The following RBBP4 variants were observed in gnomAD, a reference collection of about 807,000 sequenced individuals.
The protein encoded by RBBP4 is RB binding protein 4, chromatin remodeling factor, also known as histone-binding protein RBBP4.
RBBP4 carries 3 observed loss-of-function variants against 57.2 expected under a neutral mutation model. The ratio of observed to expected loss-of-function variants is 0.05; its 90% confidence interval spans 0.02 to 0.14. The LOEUF (loss-of-function observed/expected upper bound fraction) is 0.14, where lower values mean the gene tolerates loss of function less well. Among genes scored for constraint, RBBP4 ranks in the 10% least tolerant of loss-of-function variants. The probability of loss-of-function intolerance (pLI) is 1.00; values close to 1 mark genes in which losing one functional copy is unlikely to be tolerated. For missense variants in RBBP4, 107 were observed against 520.6 expected, an observed-to-expected ratio of 0.21 and a Z score of 7.73; for synonymous variants, 151 against 171.5, an observed-to-expected ratio of 0.88 and a Z score of 0.93.
chr1:32,651,280 A>G lies in RBBP4; in HGVS notation c.-27A>G, dbSNP rs180958327. On this transcript the variant is annotated 5_prime_UTR_variant, in exon 1 of 12. Coordinates refer to ENST00000373493, the MANE Select transcript of RBBP4 (RefSeq NM_005610.3). ...CGCCCCTCCCGCAACGCTCGACCCC[A>G]GGATTCCCCCGGCTCGCCTGCCCGC... is the stretch of plus-strand genomic sequence containing the variant. 68 of 1,495,564 alleles carry G rather than the reference A, an allele frequency of 4.5e-5. No homozygotes were observed. Among genetic ancestry groups the G allele is most frequent in the Non-Finnish European group, 5.4e-5 (61 of 1,123,178 alleles). The allele number at this position is 1,495,564 out of a possible 1,614,324, so 92.6% of individuals were successfully genotyped here.
At position 32,669,021 on chromosome 1, in the gene RBBP4, T is replaced by C; in HGVS notation, c.650T>C (p.Val217Ala). 6.2e-7 allele frequency: 1 copy of C among 1,614,066 alleles called. No homozygotes were observed. The highest frequency in any genetic ancestry group is 8.5e-7 in the Non-Finnish European group (1 of 1,180,004). The change falls in exon 6 of 12, where the codon GTA becomes GCA. Residue 217 changes from valine to alanine, a missense_variant. Val to Ala is a moderately conservative substitution (Grantham distance 64). Around this residue, in one of 3 missense-constraint regions of RBBP4, gnomAD observed 92 missense variants for 408.5 expected, o/e 0.23. Coordinates refer to ENST00000373493, the MANE Select transcript of RBBP4 (RefSeq NM_005610.3). The surrounding 1 kb of genome is among the most constrained non-coding windows in gnomAD (Gnocchi z 4.9). ...ISAVPKEGKV[V>A]DAKTIFTGHT... is the part of the protein sequence containing the mutation. ...GCCGTTCCAAAGGAGGGAAAAGTGG[T>C]AGATGCGAAGACCATCTTTACAGGG...
chr1:32,680,555 C>T lies in RBBP4; in HGVS notation c.*850C>T. ...TAGTCCTTGACCACTAGTTTGATGC[C>T]ATCTCCATTTTGGGTGACCTGTTTC... On this transcript the variant is annotated 3_prime_UTR_variant, in exon 12 of 12. Coordinates refer to ENST00000373493, the MANE Select transcript of RBBP4 (RefSeq NM_005610.3). 2.6e-6 allele frequency: 4 copies of T among 1,541,458 alleles called. No individual in the cohort carries two copies. The highest frequency in any genetic ancestry group is 3.5e-6 in the Non-Finnish European group (4 of 1,140,318).
chr1:32,684,410 A>T lies in RBBP4; in HGVS notation c.*4705A>T, dbSNP rs762686255. The T allele has an allele frequency of 6.2e-7, 1 of 1,613,804 alleles. No individual in the cohort carries two copies. Among genetic ancestry groups the T allele is most frequent in the East Asian group, 2.2e-5 (1 of 44,878 alleles). On this transcript the variant is annotated 3_prime_UTR_variant, in exon 12 of 12. Coordinates refer to ENST00000373493, the MANE Select transcript of RBBP4 (RefSeq NM_005610.3). ...GCATGAGATGGCCAAGAACATTTCT[A>T]ATGAGCCAAACAATAAAAACTCACA...
At chr1:32,671,675 A>G (rs1475246565) in intron 8 of RBBP4, among the ~76,000 whole-genome samples, 1 of 142,390 alleles carries the variant, frequency 7.0e-6, no homozygotes, top group Non-Finnish European at 1.5e-5. Context: ...CCTAGAAGCA[A>G]TATAGCGAGG....
chr1:32,684,423 A>G lies in RBBP4; in HGVS notation c.*4718A>G. 1 of 1,612,914 alleles carries G rather than the reference A, an allele frequency of 6.2e-7. No homozygotes were observed. The highest frequency in any genetic ancestry group is 2.2e-5 in the East Asian group (1 of 44,864). On this transcript the variant is annotated 3_prime_UTR_variant, in exon 12 of 12. Transcript: ENST00000373493. Reference sequence around the variant, plus strand: ...AAGAACATTTCTAATGAGCCAAACAATAAAAACTCACATTGTCCACTCTTA... The same window carrying G: ...AAGAACATTTCTAATGAGCCAAACAGTAAAAACTCACATTGTCCACTCTTA...
rs1648756126 is a variant in RBBP4 at position 32,668,754 on chromosome 1, G to A, written c.500G>A (p.Cys167Tyr). Residue 167 changes from cysteine to tyrosine, a missense_variant, in exon 5 of 12, where the codon TGC (cysteine) becomes TAC (tyrosine). Cys to Tyr is a radical substitution (Grantham distance 194, BLOSUM62 -2). Transcript: ENST00000373493. Reference protein sequence around the residue: ...HPSKPDPSGECNPDLRLRGHQ... With the variant: ...HPSKPDPSGEYNPDLRLRGHQ... The stretch of plus-strand genomic sequence containing the variant: ...CACTTTGCAGATCCTTCTGGAGAGT[G>A]CAACCCAGACTTGCGTCTCCGTGGA... 1 of 1,612,632 alleles carries A rather than the reference G, an allele frequency of 6.2e-7. No individual in the cohort carries two copies. The highest frequency in any genetic ancestry group is 1.7e-5 in the Admixed American group (1 of 59,992).
At position 32,681,889 on chromosome 1, in the gene RBBP4, CAG is replaced by C. The variant is rs761474133; in HGVS notation, c.*2185_*2186del. 6 of 1,597,322 alleles carry C rather than the reference CAG, an allele frequency of 3.8e-6. No individual in the cohort carries two copies. The Admixed American group carries it at 5.0e-5, about 13-fold the overall frequency. The stretch of plus-strand genomic sequence containing the variant: ...TAAAGTTGAAAGAAAAAGTTTATAA[CAG>C]TGAACTTCTGAGGTTTAGTTACTGC... On this transcript the variant is annotated 3_prime_UTR_variant, in exon 12 of 12. Coordinates refer to ENST00000373493, the MANE Select transcript of RBBP4 (RefSeq NM_005610.3).
chr1:32,665,632 C>G (rs1040304765), intron 3 of RBBP4, among the ~76,000 whole-genome samples: 16 of 147,204 alleles, frequency 1.1e-4, no homozygotes, highest in Non-Finnish European at 3.0e-5. Flanking sequence ...GAGCCGAGAT[C>G]GTGCCATTAC....
intron 1 of RBBP4, chr1:32,651,669 G>C (rs914061147): frequency 2.1e-5 from 15 of 726,554 alleles, no homozygotes; most frequent in Non-Finnish European, 3.0e-5. Context: ...GTTTCGGCGC[G>C]CACGAGCGTG....
rs758075893 is a variant in RBBP4 at position 32,669,441 on chromosome 1, T to C, written c.889-45T>C. ...AGATATTTTACTTACAGTATTTTTT[T>C]TTTCTTAAAAAATTGATTACTCTTG... is the stretch of plus-strand genomic sequence containing the variant. On this transcript the variant is annotated intron_variant, in intron 7 of 11. Coordinates refer to ENST00000373493, the MANE Select transcript of RBBP4 (RefSeq NM_005610.3). The surrounding 1 kb of genome is among the most constrained non-coding windows in gnomAD (Gnocchi z 4.9). The C allele has an allele frequency of 2.0e-5, 32 of 1,567,692 alleles. No individual in the cohort carries two copies. The highest frequency in any genetic ancestry group is 2.3e-5 in the Non-Finnish European group (27 of 1,165,140).
rs1211871393 is a variant in RBBP4 at position 32,685,547 on chromosome 1, G to A, written c.*5842G>A. ...ATAATTTGTCCTCTGAGTCATACTTGACATTGTACCTGTGGCACATCAATC... is the reference window on the plus strand; with the variant it reads ...ATAATTTGTCCTCTGAGTCATACTTAACATTGTACCTGTGGCACATCAATC... On this transcript the variant is annotated 3_prime_UTR_variant, in exon 12 of 12. Transcript: ENST00000373493. The A allele has an allele frequency of 6.6e-6, 1 of 152,186 alleles. No homozygotes were observed. Among genetic ancestry groups the A allele is most frequent in the Non-Finnish European group, 1.5e-5 (1 of 68,032 alleles). 9.4% of individuals were successfully genotyped at this position (152,186 alleles called of 1,614,324 possible).
At chr1:32,659,205 G>T (rs1372780224) in intron 3 of RBBP4, among the ~76,000 whole-genome samples, 1 of 149,806 alleles carries the variant, frequency 6.7e-6, no homozygotes, top group African/African-American at 2.4e-5. Context: ...CATATATGTG[G>T]TTTTACATAT....
chr1:32,678,965 G>T (rs1273461501), intron 11 of RBBP4, among the ~76,000 whole-genome samples: 3 of 152,032 alleles, frequency 2.0e-5, no homozygotes, highest in Non-Finnish European at 2.9e-5. Context: ...GTAGTTGATG[G>T]ATATTTGGGT....
intron 3 of RBBP4, among the ~76,000 whole-genome samples, chr1:32,658,385 A>G (rs1419518783): frequency 6.6e-6 from 1 of 151,992 alleles, no homozygotes; most frequent in Admixed American, 6.6e-5. Flanking sequence ...AGGTTGAGAA[A>G]CACTAACTTA....
At chr1:32,659,132 T>C (rs1191361963) in intron 3 of RBBP4, among the ~76,000 whole-genome samples, 1 of 145,606 alleles carries the variant, frequency 6.9e-6, no homozygotes, top group Non-Finnish European at 1.5e-5. Flanking sequence ...TATATACATA[T>C]AAATTTTATA....
At chr1:32,652,567 G>A (rs1274696605) in intron 2 of RBBP4, 2 of 153,300 alleles carry the variant, frequency 1.3e-5, no homozygotes, top group Non-Finnish European at 2.9e-5. Flanking sequence ...TTGAGACGGT[G>A]TCTCACTCTG....
intron 2 of RBBP4, chr1:32,652,314 A>T: frequency 2.4e-6 from 1 of 408,894 alleles, no homozygotes; most frequent in East Asian, 4.1e-5. Flanking sequence ...TACCTGTAAT[A>T]ATAGTGGCTG....
intron 2 of RBBP4, among the ~76,000 whole-genome samples, chr1:32,652,689 C>T (rs1647893294): frequency 6.6e-6 from 1 of 152,058 alleles, no homozygotes; most frequent in Non-Finnish European, 1.5e-5. Context: ...TTACAGGCAC[C>T]TGCCACCACG....
rs1179785222 is a variant in RBBP4 at position 32,669,384 on chromosome 1, A to G, written c.888+27A>G. On this transcript the variant is annotated intron_variant, in intron 7 of 11. Coordinates refer to ENST00000373493, the MANE Select transcript of RBBP4 (RefSeq NM_005610.3). The surrounding 1 kb of genome is among the most constrained non-coding windows in gnomAD (Gnocchi z 4.9). ...TCAGTTTCGTTTATTTTAATAGAAA[A>G]CATAATTTCTCTAGGTTTTTTTGAA... 1 of 1,580,580 alleles carries G rather than the reference A, an allele frequency of 6.3e-7. No individual in the cohort carries two copies. Among genetic ancestry groups the G allele is most frequent in the South Asian group, 1.2e-5 (1 of 84,638 alleles).
Sources: allele counts gnomAD v4.1 joint callset (sites outside exome capture counted in the v4.1 genomes callset), GRCh38; gene constraint gnomAD v4.1.1; regional missense constraint gnomAD v4.1.1; non-coding constraint Gnocchi (gnomAD v3.1); transcripts MANE v1.5; gene names NCBI Gene and HGNC (gene_info 2026-07-23, HGNC 2026-07-21).